Variants in BCL2 observed in about 807,000 individuals in gnomAD.
The protein encoded by BCL2 is BCL2 apoptosis regulator, also known as apoptosis regulator Bcl-2.
A neutral mutation model predicts 14.2 loss-of-function variants in BCL2; 1 was observed. The observed-to-expected ratio is 0.07, with a 90% confidence interval of 0.02 to 0.33. BCL2 has a LOEUF of 0.33. Among genes scored for constraint, BCL2 ranks in the 10% least tolerant of loss-of-function variants. The pLI is 0.99. For missense variants in BCL2, 247 were observed against 305.9 expected (o/e 0.81, Z 1.44); for synonymous variants, 151 against 137.2 (o/e 1.10, Z -0.70).
intron 2 of BCL2, among the ~76,000 whole-genome samples, chr18:63,196,103 T>C (rs936206170): frequency 2.0e-5 from 3 of 152,220 alleles, no homozygotes; most frequent in African/African-American, 7.2e-5. Context: ...GTGTCTTATT[T>C]CCTCTTGGAG....
intron 2 of BCL2, chr18:63,314,644 C>G (rs777380575): frequency 5.9e-5 from 9 of 152,214 alleles, no homozygotes; most frequent in African/African-American, 9.7e-5. Context: ...CTCTCCATCA[C>G]CTGCCCAAAA....
At chr18:63,315,057 C>A (rs1046613053) in intron 2 of BCL2, 7 of 152,226 alleles carry the variant, frequency 4.6e-5, no homozygotes, top group African/African-American at 1.7e-4. Context: ...GGTAGCAACT[C>A]TTCCTAAAAG....
In BCL2 at chr18:63,181,203, T is replaced by C. The variant is rs147657870; in HGVS notation, c.586-52444A>G. Reference sequence around the variant, plus strand: ...TGGAGGATGCCAGTTTTAGAGTTCATCTCAGTTTGACTTGTAAATGAAAGG... The same window carrying C: ...TGGAGGATGCCAGTTTTAGAGTTCACCTCAGTTTGACTTGTAAATGAAAGG... On this transcript the variant is annotated intron_variant, in intron 2 of 2. Transcript: ENST00000333681. Among the ~76,000 whole-genome samples, 78 of 152,324 alleles carry C rather than the reference T, an allele frequency of 5.1e-4. No homozygotes were observed. The East Asian group carries it at 0.011, about 22-fold the overall frequency.
chr18:63,211,629 G>A (rs1031483517), intron 2 of BCL2, among the ~76,000 whole-genome samples: 5 of 152,158 alleles, frequency 3.3e-5, no homozygotes, highest in Admixed American at 6.5e-5. Context: ...CTCTGGCTTC[G>A]ATTTAGTCCT....
intron 2 of BCL2, among the ~76,000 whole-genome samples, chr18:63,290,723 T>G (rs1359192006): frequency 1.3e-5 from 2 of 152,146 alleles, no homozygotes; most frequent in African/African-American, 4.8e-5. Flanking sequence ...CAGGCTTCAC[T>G]CAGCAGGAAA....
chr18:63,272,259 CA>C (rs1912023055), intron 2 of BCL2, among the ~76,000 whole-genome samples: 1 of 152,210 alleles, frequency 6.6e-6, no homozygotes, highest in Non-Finnish European at 1.5e-5. Context: ...AATATCTGTT[CA>C]AGATCCCAAG....
At chr18:63,200,350 C>T (rs1227791926) in intron 2 of BCL2, among the ~76,000 whole-genome samples, 1 of 152,150 alleles carries the variant, frequency 6.6e-6, no homozygotes, top group Admixed American at 6.5e-5. Flanking sequence ...AATAAATGGG[C>T]TTCTAAAATG....
chr18:63,181,889 C>A (rs960011870), intron 2 of BCL2, among the ~76,000 whole-genome samples: 1 of 152,220 alleles, frequency 6.6e-6, no homozygotes, highest in Non-Finnish European at 1.5e-5. Context: ...CTCTTCTGAG[C>A]CTCTCTTGGT....
chr18:63,318,976 A>G lies in BCL2; in HGVS notation c.-286-24T>C, dbSNP rs1029697780. 3 of 1,265,000 alleles carry G rather than the reference A, an allele frequency of 2.4e-6. No homozygotes were observed. Among genetic ancestry groups the G allele is most frequent in the Admixed American group, 4.1e-5 (1 of 24,516 alleles). 78.4% of individuals were successfully genotyped at this position (1,265,000 alleles called of 1,614,324 possible). A position where few individuals can be genotyped will look rare whatever the true frequency, so the allele number is the denominator to read the frequency against. On this transcript the variant is annotated intron_variant, in intron 1 of 2. Coordinates refer to ENST00000333681, the MANE Select transcript of BCL2 (RefSeq NM_000633.3). This position sits in a 1 kb window ranked among gnomAD's most constrained non-coding sequence, Gnocchi z 7.4. The stretch of plus-strand genomic sequence containing the variant: ...TGCTGAAAGGTTAAAGAAAAAACAA[A>G]CTAATAAGTAAAAAATCAGGTGCGT...
chr18:63,230,982 GATT>G (rs1308745359), intron 2 of BCL2, among the ~76,000 whole-genome samples: 2 of 151,738 alleles, frequency 1.3e-5, no homozygotes, highest in African/African-American at 4.8e-5. Flanking sequence ...ACATATTTGA[GATT>G]ATATCTATCA....
intron 2 of BCL2, among the ~76,000 whole-genome samples, chr18:63,164,742 C>T (rs997736074): frequency 6.6e-6 from 1 of 152,042 alleles, no homozygotes; most frequent in Non-Finnish European, 1.5e-5. Context: ...TTTGAAACCA[C>T]TGGAGGAGAA....
At chr18:63,269,205 C>T (rs1911929312) in intron 2 of BCL2, among the ~76,000 whole-genome samples, 2 of 152,154 alleles carry the variant, frequency 1.3e-5, no homozygotes, top group Admixed American at 6.5e-5. Context: ...CCTACCACAT[C>T]GGCCTCCCAA....
chr18:63,202,776 T>A, intron 2 of BCL2, among the ~76,000 whole-genome samples: 1 of 152,240 alleles, frequency 6.6e-6, no homozygotes, highest in South Asian at 2.1e-4. Flanking sequence ...CCTAAACATC[T>A]TTATATTCAC....
rs1913955372 is a variant in BCL2, at chr18:63,127,996, C to A, written c.*629G>T. On this transcript the variant is annotated 3_prime_UTR_variant, in exon 3 of 3. Coordinates refer to ENST00000333681, the MANE Select transcript of BCL2 (RefSeq NM_000633.3). ...GTGGGTACTAGGTCCATCTGAAGTTCCCAACTCTTTTCCTCCCACCAGGTA... is the reference window on the plus strand; with the variant it reads ...GTGGGTACTAGGTCCATCTGAAGTTACCAACTCTTTTCCTCCCACCAGGTA... 8.9e-6 allele frequency: 2 copies of A among 225,436 alleles called. No homozygotes were observed. The highest frequency in any genetic ancestry group is 8.9e-6 in the Non-Finnish European group (1 of 112,912). The allele number at this position is 225,436 out of a possible 1,614,324, so 14.0% of individuals were successfully genotyped here. A position where few individuals can be genotyped will look rare whatever the true frequency, so the allele number is the denominator to read the frequency against.
chr18:63,198,467 GACAC>G (rs1239907662), intron 2 of BCL2, among the ~76,000 whole-genome samples: 4 of 90,326 alleles, frequency 4.4e-5, no homozygotes, highest in African/African-American at 1.3e-4. Context: ...GACACACACA[GACAC>G]ACACTGACAG....
Position 63,318,177 on chromosome 18 carries a change from G to T in BCL2, c.490C>A (p.Arg164=), listed in dbSNP as rs996326337. Reference sequence around the variant, plus strand: ...TTGTCCACCAGGGGCGACATCTCCCGGTTGACGCTCTCCACACACATGACC... The same window carrying T: ...TTGTCCACCAGGGGCGACATCTCCCTGTTGACGCTCTCCACACACATGACC... ...GGVMCVESVN[R]EMSPLVDNIA... is the part of the protein sequence containing the mutation. Residue 164 remains arginine (R), a synonymous_variant, in exon 2 of 3, where the codon CGG becomes AGG. Transcript: ENST00000333681. The surrounding 1 kb of genome is among the most constrained non-coding windows in gnomAD (Gnocchi z 7.4). 6.2e-7 allele frequency: 1 copy of T among 1,614,002 alleles called. No homozygotes were observed. The highest frequency in any genetic ancestry group is 1.6e-4 in the Middle Eastern group (1 of 6,084).
At chr18:63,230,706 TAA>T (rs1271912674) in intron 2 of BCL2, among the ~76,000 whole-genome samples, 1 of 151,980 alleles carries the variant, frequency 6.6e-6, no homozygotes, top group Non-Finnish European at 1.5e-5. Context: ...GCAATAAATC[TAA>T]AAACAGATAA....
intron 2 of BCL2, among the ~76,000 whole-genome samples, chr18:63,255,589 A>G (rs994760200): frequency 4.6e-5 from 7 of 152,192 alleles, no homozygotes; most frequent in Non-Finnish European, 8.8e-5. Flanking sequence ...ATGTGGTTTG[A>G]AAGAGCTGGA....
chr18:63,227,859 C>T (rs942839347), intron 2 of BCL2, among the ~76,000 whole-genome samples: 2 of 152,206 alleles, frequency 1.3e-5, no homozygotes, highest in South Asian at 2.1e-4. Flanking sequence ...GGGAAATGCT[C>T]ACAAGAACTT....
Sources: allele counts gnomAD v4.1 joint callset (sites outside exome capture counted in the v4.1 genomes callset), GRCh38; gene constraint gnomAD v4.1.1; non-coding constraint Gnocchi (gnomAD v3.1); transcripts MANE v1.5; gene names NCBI Gene and HGNC (gene_info 2026-07-23, HGNC 2026-07-21).